The following ITSN1 variants were observed in gnomAD, a reference collection of about 807,000 sequenced individuals.
ITSN1 encodes the protein intersectin-1.
ITSN1 carries 58 observed loss-of-function variants against 239.8 expected under a neutral mutation model. That is an observed-to-expected ratio of 0.24 (90% confidence interval 0.20 to 0.30). The LOEUF (loss-of-function observed/expected upper bound fraction) is 0.30. Among genes scored for constraint, ITSN1 ranks in the 10% least tolerant of loss-of-function variants. ITSN1 has a pLI of 1.00. For synonymous variants in ITSN1, 780 were observed against 770.8 expected, an observed-to-expected ratio of 1.01 and a Z score of -0.20; for missense variants, 1,558 against 2,103.3, an observed-to-expected ratio of 0.74 and a Z score of 5.07.
At chr21:33,875,604 AC>A in intron 34 of ITSN1, 83 bp downstream of exon 34, 1 of 1,327,596 alleles carries the variant, frequency 7.5e-7, no homozygotes, top group Non-Finnish European at 1.0e-6. Context: ...AAAAGCATGA[AC>A]CATTCTCCTC....
chr21:33,668,922 A>G (rs1251273717), intron 1 of ITSN1, among the ~76,000 whole-genome samples: 1 of 152,218 alleles, frequency 6.6e-6, no homozygotes, highest in Non-Finnish European at 1.5e-5. Flanking sequence ...ATATTTAAAG[A>G]AAATATGTAT....
At chr21:33,665,695 T>C (rs955881398) in intron 1 of ITSN1, among the ~76,000 whole-genome samples, 2 of 152,220 alleles carry the variant, frequency 1.3e-5, no homozygotes, top group African/African-American at 4.8e-5. Context: ...ATAGCAGCAT[T>C]ATTTACCATA....
chr21:33,758,334 C>G (rs1474691088), intron 8 of ITSN1, among the ~76,000 whole-genome samples: 1 of 152,164 alleles, frequency 6.6e-6, no homozygotes, highest in Non-Finnish European at 1.5e-5. Context: ...AGGCTGGTCT[C>G]GAACTCCTGA....
intron 1 of ITSN1, among the ~76,000 whole-genome samples, chr21:33,704,433 T>A (rs1189689653): frequency 1.3e-5 from 2 of 152,178 alleles, no homozygotes; most frequent in African/African-American, 4.8e-5. Context: ...GCCTCTTTGG[T>A]GAAGTTCGTA....
chr21:33,713,385 G>A (rs532438890), intron 1 of ITSN1, among the ~76,000 whole-genome samples: 230 of 151,562 alleles, frequency 1.5e-3, no homozygotes, highest in African/African-American at 4.8e-3. Flanking sequence ...GACTACAGGC[G>A]CCCGCCACCA....
chr21:33,650,437 A>G (rs1323901718), intron 1 of ITSN1, among the ~76,000 whole-genome samples: 1 of 152,170 alleles, frequency 6.6e-6, no homozygotes, highest in African/African-American at 2.4e-5. Context: ...GTACAGGGTT[A>G]ATTACTTCTC....
At chr21:33,748,838 TTGGGCAAC>T (rs1205607403) in intron 5 of ITSN1, among the ~76,000 whole-genome samples, 2 of 152,074 alleles carry the variant, frequency 1.3e-5, no homozygotes, top group Non-Finnish European at 2.9e-5. Context: ...TCACTCTAGC[TTGGGCAAC>T]AGAGTGAGAT....
chr21:33,687,136 A>C (rs1483889536), intron 1 of ITSN1, among the ~76,000 whole-genome samples: 1 of 152,108 alleles, frequency 6.6e-6, no homozygotes, highest in East Asian at 1.9e-4. Context: ...TTTTGAGACC[A>C]GCCTGGCCAA....
intron 1 of ITSN1, among the ~76,000 whole-genome samples, chr21:33,671,915 A>G: frequency 6.6e-6 from 1 of 152,096 alleles, no homozygotes; most frequent in Non-Finnish European, 1.5e-5. Flanking sequence ...GTTTTTTTCC[A>G]TTCAAAAATG....
At chr21:33,753,342 G>A (rs1036321357) in intron 7 of ITSN1, among the ~76,000 whole-genome samples, 2 of 152,176 alleles carry the variant, frequency 1.3e-5, no homozygotes, top group African/African-American at 4.8e-5. Flanking sequence ...TGCAGTAGAT[G>A]TCTCAAGATG....
intron 4 of ITSN1, among the ~76,000 whole-genome samples, chr21:33,732,830 A>G (rs565722254): frequency 1.3e-5 from 2 of 152,338 alleles, no homozygotes; most frequent in East Asian, 3.9e-4. Flanking sequence ...TGTTTCATCT[A>G]AAATCTGGCA....
rs10529259 is a variant in ITSN1 at position 33,877,059 on chromosome 21, C to CTTTTTTTTTTTTTTTTTTTTTT, written c.4341+1550_4341+1551insTTTTTTTTTTTTTTTTTTTTTT. ...TCCTTAGAACTTTACCTGTGGGCAC[C>CTTTTTTTTTTTTTTTTTTTTTT]TTTTTTTTTTTTGAAATGGAGTCTC... On this transcript the variant is annotated intron_variant, in intron 34 of 39. Coordinates refer to ENST00000381318, the MANE Select transcript of ITSN1 (RefSeq NM_003024.3). Among the ~76,000 whole-genome samples, 184 of 106,388 alleles carry CTTTTTTTTTTTTTTTTTTTTTT rather than the reference C, an allele frequency of 1.7e-3. 58 individuals carry two copies. Among genetic ancestry groups the CTTTTTTTTTTTTTTTTTTTTTT allele is most frequent in the East Asian group, 3.1e-3 (10 of 3,186 alleles). 69.8% of individuals were successfully genotyped at this position (106,388 alleles called of 152,430 possible). A position where few individuals can be genotyped will look rare whatever the true frequency, so the allele number is the denominator to read the frequency against.
At chr21:33,757,931 C>A (rs1212018833) in intron 8 of ITSN1, among the ~76,000 whole-genome samples, 1 of 152,036 alleles carries the variant, frequency 6.6e-6, no homozygotes, top group Non-Finnish European at 1.5e-5. Context: ...GGCTGGAGTG[C>A]TGTGGTGCGA....
intron 22 of ITSN1, chr21:33,814,385 A>G (rs2073125781): frequency 6.8e-6 from 2 of 296,146 alleles, no homozygotes; most frequent in African/African-American, 4.2e-5. Flanking sequence ...TGCCTGTCAG[A>G]CAGAAACTGC....
At chr21:33,730,388 CTTTTTTT>C (rs71194863) in intron 4 of ITSN1, among the ~76,000 whole-genome samples, 11 of 49,346 alleles carry the variant, frequency 2.2e-4, no homozygotes, top group Non-Finnish European at 3.9e-4. Context: ...GCTCTCTGTT[CTTTTTTT>C]TTTTTTTTTT....
chr21:33,874,178 A>AAAAAAG (rs750088086), intron 33 of ITSN1, among the ~76,000 whole-genome samples: 4 of 130,814 alleles, frequency 3.1e-5, no homozygotes, highest in Non-Finnish European at 3.2e-5. Flanking sequence ...AAAAAAAAAA[A>AAAAAAG]GAACATTTAT....
At chr21:33,708,943 CT>C (rs1325729394) in intron 1 of ITSN1, among the ~76,000 whole-genome samples, 2 of 152,168 alleles carry the variant, frequency 1.3e-5, no homozygotes, top group African/African-American at 4.8e-5. Context: ...GTCTTTACAA[CT>C]TTGCCAAAAA....
chr21:33,693,646 T>C (rs8129166), intron 1 of ITSN1, among the ~76,000 whole-genome samples: 6,723 of 152,188 alleles, frequency 0.044, 500 homozygotes, highest in African/African-American at 0.15. Flanking sequence ...CGTGAGCCAC[T>C]GTACCCAGCC....
At chr21:33,849,549 G>C (rs1041447115) in intron 29 of ITSN1, among the ~76,000 whole-genome samples, 1 of 135,632 alleles carries the variant, frequency 7.4e-6, no homozygotes, top group Non-Finnish European at 1.5e-5. Context: ...CTGGGCAACA[G>C]AGCAAGACTC....
Sources: gnomAD v4.1 joint callset for allele counts (sites outside exome capture counted in the v4.1 genomes callset) on GRCh38, gnomAD v4.1.1 for gene constraint, MANE v1.5 for transcripts, NCBI Gene and HGNC (gene_info 2026-07-23, HGNC 2026-07-21) for gene names.